Variants in CLSTN2 observed in about 807,000 individuals in gnomAD.
CLSTN2 encodes calsyntenin-2.
A neutral mutation model predicts 101.2 loss-of-function variants in CLSTN2; 48 were observed. That is an observed-to-expected ratio of 0.47 (90% CI 0.38 to 0.60). CLSTN2 has a LOEUF of 0.60. Among genes scored for constraint, CLSTN2 ranks in the 20% least tolerant of loss-of-function variants. The pLI, the probability that CLSTN2 is intolerant of heterozygous loss-of-function variation, is 0.00. For missense variants in CLSTN2, 1,160 were observed against 1,238.2 expected (o/e 0.94, Z 0.95); for synonymous variants, 481 against 463.6 (o/e 1.04, Z -0.48).
intron 2 of CLSTN2, among the ~76,000 whole-genome samples, chr3:140,351,558 G>A (rs934533327): frequency 3.3e-5 from 5 of 152,154 alleles, no homozygotes; most frequent in East Asian, 1.9e-4. Flanking sequence ...TAGGGCCCAC[G>A]TAGTAAATGT....
intron 8 of CLSTN2, among the ~76,000 whole-genome samples, chr3:140,502,905 ATCT>A (rs1934610151): frequency 6.6e-6 from 1 of 152,192 alleles, no homozygotes; most frequent in Non-Finnish European, 1.5e-5. Context: ...TTATCTTACA[ATCT>A]TGGAGGTCAG....
intron 1 of CLSTN2, among the ~76,000 whole-genome samples, chr3:140,068,402 C>T (rs1480031628): frequency 1.3e-5 from 2 of 152,234 alleles, no homozygotes; most frequent in African/African-American, 4.8e-5. Flanking sequence ...AGGTTCCTGG[C>T]ACTTGGTAGA....
chr3:140,437,079 T>C (rs11926917), intron 5 of CLSTN2, among the ~76,000 whole-genome samples: 23,075 of 149,234 alleles, frequency 0.15, 2,359 homozygotes, highest in South Asian at 0.33. Flanking sequence ...GACTGAGTCT[T>C]GCTCTGTCGC....
At chr3:140,366,281 T>C (rs917500081) in intron 2 of CLSTN2, among the ~76,000 whole-genome samples, 1 of 151,920 alleles carries the variant, frequency 6.6e-6, no homozygotes, top group Non-Finnish European at 1.5e-5. Flanking sequence ...TGTCTGGGGG[T>C]AGGGAGAAGG....
At chr3:140,488,069 C>G (rs1398309418) in intron 8 of CLSTN2, among the ~76,000 whole-genome samples, 1 of 152,168 alleles carries the variant, frequency 6.6e-6, no homozygotes, top group Non-Finnish European at 1.5e-5. Context: ...CTAAAAATAT[C>G]CCTCTGCCAC....
At chr3:140,456,808 T>C (rs1933412151) in intron 6 of CLSTN2, among the ~76,000 whole-genome samples, 1 of 135,392 alleles carries the variant, frequency 7.4e-6, no homozygotes, top group Admixed American at 7.6e-5. Flanking sequence ...AATAAAATAA[T>C]AAAAATAAAA....
intron 2 of CLSTN2, among the ~76,000 whole-genome samples, chr3:140,399,913 G>A (rs1423206097): frequency 6.6e-6 from 1 of 150,662 alleles, no homozygotes; most frequent in Non-Finnish European, 1.5e-5. Flanking sequence ...CCATCTTTAT[G>A]TTCATGTGAA....
chr3:140,148,888 C>T (rs2009820359), intron 1 of CLSTN2, among the ~76,000 whole-genome samples: 1 of 152,098 alleles, frequency 6.6e-6, no homozygotes, highest in Non-Finnish European at 1.5e-5. Flanking sequence ...CTCCAGACTT[C>T]TTGGTGGCTT....
In CLSTN2 at chr3:140,495,152, C is replaced by T. The variant is rs145988624; in HGVS notation, c.1344+28421C>T. Among the ~76,000 whole-genome samples, 6 of 152,276 alleles carry T rather than the reference C, an allele frequency of 3.9e-5. No homozygotes were observed. In the East Asian group the frequency reaches 1.2e-3, roughly 29 times the overall value. ...TGTTTCTGGACTTCTTATTTTTAGCCATTCTGACTGGCATGAGATGGTATC... is the reference window on the plus strand; with the variant it reads ...TGTTTCTGGACTTCTTATTTTTAGCTATTCTGACTGGCATGAGATGGTATC... On this transcript the variant is annotated intron_variant, in intron 8 of 16. Transcript: ENST00000458420.
chr3:140,322,902 T>C (rs2087297326), intron 2 of CLSTN2, among the ~76,000 whole-genome samples: 1 of 152,226 alleles, frequency 6.6e-6, no homozygotes, highest in Non-Finnish European at 1.5e-5. Context: ...GTACATTATC[T>C]GAATTAAAAT....
At chr3:140,155,174 A>C (rs1199251839) in intron 1 of CLSTN2, among the ~76,000 whole-genome samples, 1 of 152,180 alleles carries the variant, frequency 6.6e-6, no homozygotes, top group Non-Finnish European at 1.5e-5. Context: ...GCCGATGATT[A>C]GAGTGAATGG....
intron 10 of CLSTN2, among the ~76,000 whole-genome samples, chr3:140,548,746 A>G (rs1706552): frequency 5.9e-5 from 9 of 151,986 alleles, no homozygotes; most frequent in African/African-American, 1.9e-4. Flanking sequence ...AGGTAGGCAG[A>G]GGCCATATCA....
intron 2 of CLSTN2, among the ~76,000 whole-genome samples, chr3:140,248,549 A>G (rs569981657): frequency 5.3e-5 from 8 of 152,144 alleles, no homozygotes; most frequent in Non-Finnish European, 1.2e-4. Flanking sequence ...ATGTGCACCT[A>G]GGAAGACAAT....
rs1340132585 is a variant in CLSTN2 at position 140,444,660 on chromosome 3, T to C, written c.788-3859T>C. Among the ~76,000 whole-genome samples, 3 of 152,346 alleles carry C rather than the reference T, an allele frequency of 2.0e-5. No homozygotes were observed. The East Asian group carries it at 5.8e-4, about 29-fold the overall frequency. On this transcript the variant is annotated intron_variant, in intron 5 of 16. Coordinates refer to ENST00000458420, the MANE Select transcript of CLSTN2 (RefSeq NM_022131.3). ...GGTAATTTACCAATAATATATCTAT[T>C]GGTCATGGTCCTTGTGTTTGGTACT...
At chr3:140,001,879 C>T (rs188261393) in intron 1 of CLSTN2, among the ~76,000 whole-genome samples, 4 of 152,156 alleles carry the variant, frequency 2.6e-5, no homozygotes, top group African/African-American at 9.6e-5. Context: ...TGATGTTTGC[C>T]CTTTCTGTGC....
intron 8 of CLSTN2, among the ~76,000 whole-genome samples, chr3:140,472,100 G>A (rs1410741839): frequency 3.3e-5 from 5 of 152,062 alleles, no homozygotes; most frequent in African/African-American, 4.8e-5. Flanking sequence ...CTCCCCGTAT[G>A]AGGGGAGCTT....
intron 2 of CLSTN2, among the ~76,000 whole-genome samples, chr3:140,269,302 T>C (rs752655346): frequency 1.3e-5 from 2 of 152,226 alleles, no homozygotes; most frequent in African/African-American, 2.4e-5. Flanking sequence ...AATAGCTTTA[T>C]TGGAAAACAT....
chr3:140,500,874 A>G lies in CLSTN2; in HGVS notation c.1345-31450A>G, dbSNP rs944860192. On this transcript the variant is annotated intron_variant, in intron 8 of 16. Coordinates refer to ENST00000458420, the MANE Select transcript of CLSTN2 (RefSeq NM_022131.3). ...AGTGCTGTTGCCATTAACCATGGCT[A>G]TTAAGAATCTATTAATACAAATTAA... 2.0e-5 allele frequency among the ~76,000 whole-genome samples: 3 copies of G among 152,238 alleles called. No individual in the cohort carries two copies. In the South Asian group the frequency reaches 6.2e-4, roughly 31 times the overall value.
intron 4 of CLSTN2, among the ~76,000 whole-genome samples, chr3:140,405,682 C>T (rs760936740): frequency 3.2e-4 from 48 of 152,326 alleles, no homozygotes; most frequent in East Asian, 3.9e-4. Context: ...TTCCCCATCA[C>T]CACGAATAGA....
Sources: gnomAD v4.1 joint callset for allele counts (sites outside exome capture counted in the v4.1 genomes callset) on GRCh38, gnomAD v4.1.1 for gene constraint, MANE v1.5 for transcripts, NCBI Gene and HGNC (gene_info 2026-07-23, HGNC 2026-07-21) for gene names.